Variants in FOCAD observed in about 807,000 individuals in gnomAD.
FOCAD encodes focadhesin.
FOCAD carries 198 observed loss-of-function variants against 225.6 expected under a neutral mutation model. The observed-to-expected ratio is 0.88, with a 90% CI of 0.78 to 0.99. The LOEUF is 0.99. Ranked by LOEUF, FOCAD falls within the 50% of genes least tolerant of loss-of-function variation. The pLI is 0.00. For synonymous variants in FOCAD, 897 were observed against 755.0 expected (o/e 1.19, Z -3.08); for missense variants, 2,713 against 2,123.6 (o/e 1.28, Z -5.46).
intron 15 of FOCAD, among the ~76,000 whole-genome samples, chr9:20,832,096 G>T (rs4977760): frequency 0.35 from 52,937 of 151,708 alleles, 9,527 homozygotes; most frequent in East Asian, 0.47. Context: ...TGAACATTTG[G>T]CTTTTTTCCA....
chr9:20,799,925 G>T (rs1326559220), intron 11 of FOCAD, among the ~76,000 whole-genome samples: 1 of 152,116 alleles, frequency 6.6e-6, no homozygotes. Flanking sequence ...GTTAGTTGAT[G>T]CAGTTTCTTC....
intron 1 of FOCAD, among the ~76,000 whole-genome samples, chr9:20,709,791 A>G (rs1278572416): frequency 1.3e-5 from 2 of 152,248 alleles, no homozygotes; most frequent in Admixed American, 6.5e-5. Flanking sequence ...TAAAGTTACT[A>G]TAGATTTAAA....
intron 5 of FOCAD, among the ~76,000 whole-genome samples, chr9:20,743,333 T>C (rs749371661): frequency 8.5e-5 from 13 of 152,192 alleles, no homozygotes; most frequent in Admixed American, 2.0e-4. Context: ...AATCTGTGTT[T>C]TTATGGTATT....
In FOCAD at chr9:20,959,836, T is replaced by G. The variant is rs562406620; in HGVS notation, c.4132+6771T>G. 3.9e-5 allele frequency among the ~76,000 whole-genome samples: 6 copies of G among 152,298 alleles called. No homozygotes were observed. In the East Asian group the frequency reaches 1.2e-3, roughly 29 times the overall value. On this transcript the variant is annotated intron_variant, in intron 35 of 43. Coordinates refer to ENST00000338382, the MANE Select transcript of FOCAD (RefSeq NM_001375567.1). ...CTTGACATTTTTGTCAAAAATCAGT[T>G]TGCTATAGATATATAGATTAATTTC... is the stretch of plus-strand genomic sequence containing the variant.
intron 5 of FOCAD, among the ~76,000 whole-genome samples, chr9:20,754,460 T>C (rs946094670): frequency 2.0e-4 from 31 of 152,208 alleles, no homozygotes; most frequent in African/African-American, 7.2e-4. Context: ...GTTTGATAAC[T>C]ATATTTCCAT....
At chr9:20,825,294 C>T (rs1038120151) in intron 15 of FOCAD, among the ~76,000 whole-genome samples, 10 of 152,002 alleles carry the variant, frequency 6.6e-5, no homozygotes, top group African/African-American at 2.2e-4. Context: ...GGGGGCTCAT[C>T]TTTTGTTTTG....
intron 15 of FOCAD, among the ~76,000 whole-genome samples, chr9:20,855,113 A>G (rs910134321): frequency 2.0e-5 from 3 of 151,788 alleles, no homozygotes. Flanking sequence ...TAGTCTAACA[A>G]ATTTAATTGA....
intron 5 of FOCAD, among the ~76,000 whole-genome samples, chr9:20,756,075 C>T (rs1829017502): frequency 6.6e-6 from 1 of 152,128 alleles, no homozygotes; most frequent in African/African-American, 2.4e-5. Flanking sequence ...GTATTTGTGG[C>T]AACCAAAGTG....
chr9:20,939,306 A>T (rs1836383057), intron 28 of FOCAD, among the ~76,000 whole-genome samples: 1 of 152,188 alleles, frequency 6.6e-6, no homozygotes, highest in African/African-American at 2.4e-5. Context: ...TTTGAACCTA[A>T]TCCATGCATT....
intron 24 of FOCAD, among the ~76,000 whole-genome samples, chr9:20,920,714 CA>C (rs1186553532): frequency 1.3e-5 from 2 of 150,254 alleles, no homozygotes; most frequent in Non-Finnish European, 3.0e-5. Flanking sequence ...ATCGCAAGGT[CA>C]AAAAACTGAA....
At chr9:20,908,286 C>A (rs1272741711) in intron 22 of FOCAD, among the ~76,000 whole-genome samples, 2 of 151,916 alleles carry the variant, frequency 1.3e-5, no homozygotes, top group Non-Finnish European at 2.9e-5. Flanking sequence ...AACAGCTGTC[C>A]TATAAAATGA....
chr9:20,942,089 A>G (rs1587679907), intron 28 of FOCAD, among the ~76,000 whole-genome samples: 3 of 152,370 alleles, frequency 2.0e-5, no homozygotes, highest in East Asian at 1.9e-4. Flanking sequence ...TCAGAGGGGC[A>G]ATAGATGTAT....
At chr9:20,778,543 C>A (rs1819030583) in intron 8 of FOCAD, 138 bp from the exon 9 acceptor site, 2 of 548,166 alleles carry the variant, frequency 3.6e-6, no homozygotes, top group Non-Finnish European at 6.5e-6. Context: ...TTTAGTAGAG[C>A]ACACTTGCTG....
At position 20,982,401 on chromosome 9, in the gene FOCAD, A is replaced by C; in HGVS notation, c.4683A>C (p.Leu1561Phe). ...ELYISIAKCL[L>F]EMTDDDANRI... ...ATATCAGCATAGCAAAATGCCTCTTAGAAATGACAGATGATGATGCCAATC... is the reference window on the plus strand; with the variant it reads ...ATATCAGCATAGCAAAATGCCTCTTCGAAATGACAGATGATGATGCCAATC... Residue 1561 changes from leucine to phenylalanine, a missense_variant, in exon 39 of 44, where the codon TTA (leucine) becomes TTC (phenylalanine). By Grantham distance (22) the Leu-to-Phe change is conservative. Coordinates refer to ENST00000338382, the MANE Select transcript of FOCAD (RefSeq NM_001375567.1). The C allele has an allele frequency of 6.2e-7, 1 of 1,614,000 alleles. No individual in the cohort carries two copies. The highest frequency in any genetic ancestry group is 1.1e-5 in the South Asian group (1 of 91,086).
At chr9:20,988,538 T>C in intron 41 of FOCAD, 109 bp downstream of exon 41, 1 of 317,376 alleles carries the variant, frequency 3.2e-6, no homozygotes. Context: ...CTGCAATTAC[T>C]TTTGCACCAA....
chr9:20,769,978 A>G, intron 7 of FOCAD, 54 bp from the exon 8 acceptor site: 1 of 1,497,136 alleles, frequency 6.7e-7, no homozygotes, highest in Non-Finnish European at 9.2e-7. Flanking sequence ...GTACTTTAAA[A>G]TTATCTTTTG....
chr9:20,743,783 A>G (rs73436493), intron 5 of FOCAD, among the ~76,000 whole-genome samples: 5,630 of 152,234 alleles, frequency 0.037, 350 homozygotes, highest in African/African-American at 0.13. Context: ...TCATTTGTGG[A>G]TTACACATGA....
chr9:20,939,186 A>T (rs973480041), intron 28 of FOCAD, among the ~76,000 whole-genome samples: 28 of 140,656 alleles, frequency 2.0e-4, no homozygotes, highest in Non-Finnish European at 1.4e-4. Context: ...TTTGAATATG[A>T]GTAAAGAAAG....
At chr9:20,899,590 A>G (rs575841651) in intron 21 of FOCAD, among the ~76,000 whole-genome samples, 16 of 152,028 alleles carry the variant, frequency 1.1e-4, no homozygotes, top group African/African-American at 3.6e-4. Context: ...GTGACTTCCA[A>G]GCTCCTTACA....
Sources: gnomAD v4.1 joint callset for allele counts (sites outside exome capture counted in the v4.1 genomes callset) on GRCh38, gnomAD v4.1.1 for gene constraint, MANE v1.5 for transcripts, NCBI Gene and HGNC (gene_info 2026-07-23, HGNC 2026-07-21) for gene names.